MYO16: variants seen among roughly 807,000 people sequenced by gnomAD.
MYO16 encodes the protein myosin XVI.
MYO16 carries 94 observed loss-of-function variants against 205.3 expected under a neutral mutation model. The ratio of observed to expected loss-of-function variants is 0.46; its 90% CI spans 0.39 to 0.54. The LOEUF is 0.54. Among genes scored for constraint, MYO16 ranks in the 20% least tolerant of loss-of-function variants. The pLI is 0.00. For synonymous variants in MYO16, 988 were observed against 954.0 expected (o/e 1.04, Z -0.66); for missense variants, 2,315 against 2,387.5 (o/e 0.97, Z 0.63).
At chr13:108,530,180 TG>T in the MYO16 span, among the ~76,000 whole-genome samples, 5 of 152,064 alleles carry the variant, frequency 3.3e-5, no homozygotes, top group Non-Finnish European at 5.9e-5. Context: ...CTAAGTTATA[TG>T]GGGGAAATCT....
the MYO16 span, among the ~76,000 whole-genome samples, chr13:108,571,624 G>C: frequency 1.3e-5 from 2 of 152,128 alleles, no homozygotes; most frequent in African/African-American, 4.8e-5. Context: ...GTGAGCAGGA[G>C]GTCTGCAGGT....
chr13:109,003,895 A>G (rs1430155903), intron 21 of MYO16, among the ~76,000 whole-genome samples: 1 of 152,244 alleles, frequency 6.6e-6, no homozygotes, highest in Non-Finnish European at 1.5e-5. Flanking sequence ...GCAAAATAAC[A>G]AAAGAATTGT....
At chr13:108,702,147 A>G (rs1883334119) in intron 2 of MYO16, among the ~76,000 whole-genome samples, 4 of 152,188 alleles carry the variant, frequency 2.6e-5, no homozygotes. Flanking sequence ...GGAGGTACTA[A>G]TTGGTGAAAA....
chr13:109,154,664 T>C (rs1877888053), intron 32 of MYO16, among the ~76,000 whole-genome samples: 1 of 151,984 alleles, frequency 6.6e-6, no homozygotes, highest in Admixed American at 6.6e-5. Context: ...TCTTCTCACC[T>C]TTGCCTTCTG....
chr13:109,159,761 G>T (rs1011191912), intron 32 of MYO16, among the ~76,000 whole-genome samples: 2 of 152,244 alleles, frequency 1.3e-5, no homozygotes, highest in Non-Finnish European at 2.9e-5. Context: ...CAGCTGCCAT[G>T]CCCTGCTGGA....
chr13:108,969,482 C>G (rs1366450099), intron 20 of MYO16, among the ~76,000 whole-genome samples: 1 of 152,152 alleles, frequency 6.6e-6, no homozygotes, highest in African/African-American at 2.4e-5. Flanking sequence ...CATGGATCTT[C>G]CATTCCACTC....
At chr13:109,105,821 A>G (rs897499832) in intron 28 of MYO16, among the ~76,000 whole-genome samples, 6 of 152,218 alleles carry the variant, frequency 3.9e-5, no homozygotes, top group Non-Finnish European at 7.3e-5. Flanking sequence ...TAGAATTTGA[A>G]CTGGTCACCA....
At chr13:108,851,224 T>G (rs1877844875) in intron 10 of MYO16, among the ~76,000 whole-genome samples, 2 of 152,218 alleles carry the variant, frequency 1.3e-5, no homozygotes, top group Non-Finnish European at 2.9e-5. Context: ...TGCAATCATT[T>G]ATTGATTTAC....
the MYO16 span, among the ~76,000 whole-genome samples, chr13:108,553,756 C>T: frequency 2.0e-5 from 3 of 151,932 alleles, no homozygotes; most frequent in Admixed American, 2.0e-4. Flanking sequence ...TGTCTTCCCC[C>T]GATATTTTAA....
At chr13:108,692,525 C>A (rs1882938076) in intron 2 of MYO16, among the ~76,000 whole-genome samples, 1 of 152,166 alleles carries the variant, frequency 6.6e-6, no homozygotes, top group Non-Finnish European at 1.5e-5. Context: ...TCTTGAGCAG[C>A]CTGGGAAGGA....
intron 32 of MYO16, among the ~76,000 whole-genome samples, chr13:109,143,365 T>A (rs1202773683): frequency 6.6e-6 from 1 of 152,166 alleles, no homozygotes; most frequent in African/African-American, 2.4e-5. Flanking sequence ...AGCTAACAGA[T>A]TCTTCTTAAT....
intron 23 of MYO16, among the ~76,000 whole-genome samples, chr13:109,039,790 G>A (rs1439353596): frequency 6.6e-6 from 1 of 152,034 alleles, no homozygotes; most frequent in Non-Finnish European, 1.5e-5. Context: ...TCTCAGGAAC[G>A]TAGGAGCAAA....
chr13:108,866,267 T>C, intron 12 of MYO16, 25 bp downstream of exon 12: 1 of 1,462,004 alleles, frequency 6.8e-7, no homozygotes, highest in Non-Finnish European at 9.5e-7. Context: ...TTAAATATCA[T>C]TGAATAATGT....
At chr13:108,975,920 G>A (rs1884241040) in intron 20 of MYO16, among the ~76,000 whole-genome samples, 1 of 152,100 alleles carries the variant, frequency 6.6e-6, no homozygotes, top group Admixed American at 6.5e-5. Context: ...ATGGAGTGAG[G>A]TGGGATCAGT....
chr13:108,532,193 G>A, the MYO16 span, among the ~76,000 whole-genome samples: 2 of 151,718 alleles, frequency 1.3e-5, no homozygotes, highest in Admixed American at 6.6e-5. Context: ...GTGACAGAGT[G>A]AGACTCTGTC....
chr13:109,047,078 A>G (rs1352018537), intron 24 of MYO16, 87 bp downstream of exon 24: 13 of 1,016,900 alleles, frequency 1.3e-5, no homozygotes, highest in Non-Finnish European at 2.0e-5. Context: ...CCTAGAAAAT[A>G]TGCTACCAGC....
intron 20 of MYO16, among the ~76,000 whole-genome samples, chr13:108,971,379 A>G (rs1884005890): frequency 1.3e-5 from 2 of 149,886 alleles, no homozygotes; most frequent in African/African-American, 4.9e-5. Flanking sequence ...ATATATACAC[A>G]TATAATCTAC....
At chr13:109,024,619 A>G (rs1037503658) in intron 23 of MYO16, among the ~76,000 whole-genome samples, 1 of 152,136 alleles carries the variant, frequency 6.6e-6, no homozygotes, top group African/African-American at 2.4e-5. Flanking sequence ...GAGAAAACCA[A>G]TTGATTAGTT....
intron 16 of MYO16, among the ~76,000 whole-genome samples, chr13:108,917,620 T>G (rs972941384): frequency 2.0e-5 from 3 of 152,186 alleles, no homozygotes; most frequent in Admixed American, 2.0e-4. Context: ...CACATGACTT[T>G]GATTCGTATG....
Sources: gnomAD v4.1 joint callset for allele counts (sites outside exome capture counted in the v4.1 genomes callset) on GRCh38, gnomAD v4.1.1 for gene constraint, MANE v1.5 for transcripts, NCBI Gene and HGNC (gene_info 2026-07-23, HGNC 2026-07-21) for gene names.